CDH3: variants seen among roughly 807,000 people sequenced by gnomAD.
CDH3 encodes cadherin 3.
CDH3 carries 54 observed loss-of-function variants against 82.0 expected under a neutral mutation model. That is an observed-to-expected ratio of 0.66 (90% CI 0.53 to 0.83). CDH3 has a LOEUF of 0.83. CDH3 is among the 40% of genes least tolerant of loss of function. The pLI, the probability that CDH3 is intolerant of heterozygous loss-of-function variation, is 0.00. For missense variants in CDH3, 1,054 were observed against 1,084.6 expected (o/e 0.97, Z 0.40); for synonymous variants, 446 against 437.9 (o/e 1.02, Z -0.23).
intron 3 of CDH3, among the ~76,000 whole-genome samples, chr16:68,677,430 C>A (rs1302319621): frequency 6.6e-6 from 1 of 152,186 alleles, no homozygotes; most frequent in Non-Finnish European, 1.5e-5. Flanking sequence ...TTAATCTTTC[C>A]ATTTGACAGC....
At chr16:68,657,081 T>C (rs1960425774) in intron 2 of CDH3, among the ~76,000 whole-genome samples, 1 of 152,176 alleles carries the variant, frequency 6.6e-6, no homozygotes, top group Admixed American at 6.5e-5. Flanking sequence ...GGCTCTGGGT[T>C]ACCTAGAGCA....
chr16:68,681,071 A>G lies in CDH3; in HGVS notation c.971A>G (p.Asn324Ser), dbSNP rs1033109010. Residue 324 changes from asparagine to serine, a missense_variant, in exon 8 of 16, where the codon AAT (asparagine) becomes AGT (serine). Transcript: ENST00000264012. ...AVVEILDAND[N>S]APMFDPQKYE... ...GTGGAGATCCTTGATGCCAATGACA[A>G]TGCTCCCATGTTTGACCCCCAGAAG... The G allele has an allele frequency of 5.0e-6, 8 of 1,613,794 alleles. No individual in the cohort carries two copies. Among genetic ancestry groups the G allele is most frequent in the African/African-American group, 2.7e-5 (2 of 74,898 alleles).
At chr16:68,671,604 C>T (rs1305501593) in intron 2 of CDH3, among the ~76,000 whole-genome samples, 3 of 149,458 alleles carry the variant, frequency 2.0e-5, no homozygotes, top group African/African-American at 7.4e-5. Context: ...TTACTGCAAC[C>T]TCTGTCTCCT....
chr16:68,686,248 G>T (rs1427017878), intron 11 of CDH3, among the ~76,000 whole-genome samples: 1 of 152,172 alleles, frequency 6.6e-6, no homozygotes, highest in Non-Finnish European at 1.5e-5. Context: ...ACGCCTCGGG[G>T]CGAGCGGCAA....
intron 7 of CDH3, among the ~76,000 whole-genome samples, chr16:68,680,304 A>C (rs533134633): frequency 7.0e-4 from 107 of 152,350 alleles, no homozygotes; most frequent in African/African-American, 2.4e-3. Context: ...CTTATGTGCC[A>C]CAAAGTAGAA....
intron 2 of CDH3, among the ~76,000 whole-genome samples, chr16:68,653,906 A>G (rs759449229): frequency 9.9e-5 from 15 of 150,996 alleles, no homozygotes; most frequent in Non-Finnish European, 1.9e-4. Context: ...TTTAGTAGAG[A>G]CGAGGTTTCG....
chr16:68,729,119 A>G (rs1247814374), downstream of CDH3, among the ~76,000 whole-genome samples: 1 of 152,134 alleles, frequency 6.6e-6, no homozygotes, highest in Non-Finnish European at 1.5e-5. Context: ...AGCCTGGCCA[A>G]CATGATGAAA....
intron 2 of CDH3, among the ~76,000 whole-genome samples, chr16:68,660,671 C>T (rs1374807439): frequency 1.4e-4 from 21 of 152,056 alleles, no homozygotes; most frequent in Admixed American, 2.0e-4. Context: ...TTGAAAACCA[C>T]AAATAGGCTG....
chr16:68,646,627 C>G (rs141296565), intron 2 of CDH3, among the ~76,000 whole-genome samples: 2 of 151,814 alleles, frequency 1.3e-5, no homozygotes, highest in African/African-American at 4.8e-5. Context: ...CTTTCTCCCT[C>G]TAGGTTAAGA....
At position 68,695,243 on chromosome 16, in the gene CDH3, C is replaced by A; in HGVS notation, c.2003-12C>A. ...TTACAGAGGGAGCACTCACACTCCC[C>A]AACCCTTGCAGTCCTCCTGCTGGTG... On this transcript the variant is annotated splice_polypyrimidine_tract_variant and intron_variant, in intron 13 of 15. Coordinates refer to ENST00000264012, the MANE Select transcript of CDH3 (RefSeq NM_001793.6). The A allele has an allele frequency of 6.2e-7, 1 of 1,614,098 alleles. No individual in the cohort carries two copies. The highest frequency in any genetic ancestry group is 1.1e-5 in the South Asian group (1 of 91,064).
intron 1 of CDH3, among the ~76,000 whole-genome samples, chr16:68,710,044 G>A (rs1962007805): frequency 6.6e-6 from 1 of 152,228 alleles, no homozygotes; most frequent in Non-Finnish European, 1.5e-5. Context: ...CAACCAGGAG[G>A]CAGCCCTAGC....
rs141173525 is a variant in CDH3, at chr16:68,673,479, T to TC, written c.161-2906_161-2905insC. On this transcript the variant is annotated intron_variant, in intron 2 of 15. Transcript: ENST00000264012. ...TCTAGCCCCTGGTCAATTCCTTTTT[T>TC]TTTTTTCTTAGAGAAAAGGGTCTTG... Among the ~76,000 whole-genome samples, 870 of 151,528 alleles carry TC rather than the reference T, an allele frequency of 5.7e-3. 11 individuals carry two copies. Among genetic ancestry groups the TC allele is most frequent in the African/African-American group, 0.02 (826 of 41,206 alleles).
chr16:68,672,633 C>G (rs1258375754), intron 2 of CDH3, among the ~76,000 whole-genome samples: 1 of 152,192 alleles, frequency 6.6e-6, no homozygotes, highest in Non-Finnish European at 1.5e-5. Flanking sequence ...CTCCTTTCCC[C>G]TTCCTCCCAC....
At chr16:68,656,869 C>T (rs1960421578) in intron 2 of CDH3, among the ~76,000 whole-genome samples, 1 of 152,178 alleles carries the variant, frequency 6.6e-6, no homozygotes, top group Non-Finnish European at 1.5e-5. Flanking sequence ...TCTGGCCTCC[C>T]TTTTAAGATA....
downstream of CDH3, among the ~76,000 whole-genome samples, chr16:68,702,602 C>A (rs758477018): frequency 1.0e-3 from 154 of 152,296 alleles, 2 homozygotes; most frequent in Middle Eastern, 3.4e-3. Context: ...GTGTGGCTCA[C>A]ACCTGTAATC....
chr16:68,691,153 G>A (rs1001108326), intron 12 of CDH3, among the ~76,000 whole-genome samples: 7 of 151,508 alleles, frequency 4.6e-5, no homozygotes, highest in East Asian at 2.0e-4. Flanking sequence ...CTACAGGCAC[G>A]TGCCATCACG....
At chr16:68,689,099 A>G (rs866307333) in intron 12 of CDH3, among the ~76,000 whole-genome samples, 5 of 152,336 alleles carry the variant, frequency 3.3e-5, no homozygotes, top group Middle Eastern at 6.8e-3. Context: ...CAGGGAAATT[A>G]ATCTAGACTC....
chr16:68,654,145 C>T lies in CDH3; in HGVS notation c.160+8395C>T, dbSNP rs1404156704. ...CACAATCTCGGCTCATTGTAAACTC[C>T]GCCTCCCGGATTCAAGCGATTCTCC... On this transcript the variant is annotated intron_variant, in intron 2 of 15. Transcript: ENST00000264012. 8.6e-5 allele frequency among the ~76,000 whole-genome samples: 13 copies of T among 150,356 alleles called. No individual in the cohort carries two copies. In the East Asian group the frequency reaches 1.4e-3, roughly 16 times the overall value.
intron 2 of CDH3, among the ~76,000 whole-genome samples, chr16:68,672,268 G>GTCACT (rs1555505662): frequency 6.6e-6 from 1 of 150,954 alleles, no homozygotes; most frequent in Non-Finnish European, 1.5e-5. Context: ...ATTGGGAAAG[G>GTCACT]TCATTTCAGT....
Sources: allele counts gnomAD v4.1 joint callset (sites outside exome capture counted in the v4.1 genomes callset), GRCh38; gene constraint gnomAD v4.1.1; transcripts MANE v1.5; gene names NCBI Gene and HGNC (gene_info 2026-07-23, HGNC 2026-07-21).